The following CCDC136 variants were observed in gnomAD, a reference collection of about 807,000 sequenced individuals.
The protein encoded by CCDC136 is coiled-coil domain-containing protein 136.
CCDC136 carries 100 observed loss-of-function variants against 141.2 expected under a neutral mutation model. That is an observed-to-expected ratio of 0.71 (90% confidence interval 0.60 to 0.84). CCDC136 has a LOEUF of 0.84. CCDC136 is among the 40% of genes least tolerant of loss of function. The probability of loss-of-function intolerance (pLI) is 0.00; values close to 1 mark genes in which losing one functional copy is unlikely to be tolerated. For synonymous variants in CCDC136, 474 were observed against 531.9 expected (o/e 0.89, Z 1.50); for missense variants, 1,206 against 1,379.4 (o/e 0.87, Z 1.99).
chr7:128,806,027 A>G, intron 7 of CCDC136, 126 bp downstream of exon 7: 4 of 1,183,286 alleles, frequency 3.4e-6, no homozygotes, highest in Non-Finnish European at 4.8e-6. Context: ...AACTGGGCAC[A>G]GTCTGCTGGA....
intron 10 of CCDC136, chr7:128,809,238 T>A (rs1181847328): frequency 1.9e-6 from 1 of 514,976 alleles, no homozygotes; most frequent in Non-Finnish European, 3.5e-6. Context: ...GCCACCAGTC[T>A]AGAGCAACCT....
chr7:128,791,630 G>A (rs1455584151), upstream of CCDC136: 6 of 941,110 alleles, frequency 6.4e-6, no homozygotes, highest in Middle Eastern at 6.9e-4. The surrounding 1 kb of genome is among the most constrained non-coding windows in gnomAD (Gnocchi z 7.1). Context: ...ACCCCCAGGT[G>A]CTCCCGGCCT....
chr7:128,796,251 A>G (rs1489671488), intron 3 of CCDC136, among the ~76,000 whole-genome samples: 4 of 152,206 alleles, frequency 2.6e-5, no homozygotes, highest in Non-Finnish European at 5.9e-5. Flanking sequence ...AGAAGATGAC[A>G]TTTGAGCTAA....
chr7:128,806,926 G>T, intron 9 of CCDC136, 68 bp downstream of exon 9: 2 of 1,472,788 alleles, frequency 1.4e-6, no homozygotes, highest in South Asian at 2.8e-5. Flanking sequence ...AGAGCACAGA[G>T]GACGAGAGGG....
rs200189364 is a variant in CCDC136, at chr7:128,801,354, A to G, written c.515A>G (p.Gln172Arg). Residue 172 changes from glutamine to arginine, a missense_variant, in exon 4 of 18, where the codon CAG becomes CGG. By Grantham distance (43) the Gln-to-Arg change is conservative. Transcript: ENST00000297788. ...TEHESDIASLQEDLCRMQNEL... is the reference protein window; with the variant it reads ...TEHESDIASLREDLCRMQNEL... ...CATGAGAGTGACATAGCATCCCTGC[A>G]GGAGGATCTCTGCCGGATGCAGAAT... The G allele has an allele frequency of 1.1e-4, 179 of 1,613,664 alleles. 1 individual carries two copies. In the African/African-American group the frequency reaches 2.2e-3, roughly 19 times the overall value.
At chr7:128,795,464 C>T (rs1802802421) in intron 3 of CCDC136, among the ~76,000 whole-genome samples, 1 of 151,150 alleles carries the variant, frequency 6.6e-6, no homozygotes, top group Non-Finnish European at 1.5e-5. Context: ...TGAGATCAAG[C>T]CAAAAGAAAA....
At chr7:128,806,201 A>G in intron 7 of CCDC136, 36 bp from the exon 8 acceptor site, 1 of 1,500,786 alleles carries the variant, frequency 6.7e-7, no homozygotes, top group Non-Finnish European at 8.9e-7. Context: ...CTGTTTCTTG[A>G]GAGTAACTGT....
At position 128,815,748 on chromosome 7, in the gene CCDC136, T is replaced by C. The variant is rs1185411222; in HGVS notation, c.3180T>C (p.Asp1060=). The change falls in exon 16 of 18, where the codon GAT becomes GAC. Residue 1060 remains aspartate, a synonymous_variant. Coordinates refer to ENST00000297788, the MANE Select transcript of CCDC136 (RefSeq NM_022742.5). ...VKEEAKEQCG[D]ELVAEPADPE... ...AGGAAGCAAAGGAGCAGTGTGGGGA[T>C]GAGCTAGTTGCTGAGCCAGCAGATC... The C allele has an allele frequency of 1.9e-6, 3 of 1,563,860 alleles. No homozygotes were observed. The Admixed American group carries it at 5.8e-5, about 30-fold the overall frequency.
At position 128,801,472 on chromosome 7, in the gene CCDC136, C is replaced by T. The variant is rs746772962; in HGVS notation, c.633C>T (p.Ser211=). The change falls in exon 4 of 18, where the codon TCC becomes TCT. Residue 211 remains serine, a synonymous_variant. Coordinates refer to ENST00000297788, the MANE Select transcript of CCDC136 (RefSeq NM_022742.5). ...TGGAAATGAAGAGCTCTGAACCATC[C>T]GGTAGTTTAGGTCTCTCAGATTACT... ...AEMEMKSSEP[S]GSLGLSDYSG... The T allele has an allele frequency of 8.7e-6, 14 of 1,609,100 alleles. No individual in the cohort carries two copies. The highest frequency in any genetic ancestry group is 2.2e-5 in the East Asian group (1 of 44,762).
intron 3 of CCDC136, among the ~76,000 whole-genome samples, chr7:128,799,376 G>T (rs544693391): frequency 6.6e-6 from 1 of 151,796 alleles, no homozygotes; most frequent in Non-Finnish European, 1.5e-5. Context: ...AACCCCAAAT[G>T]TTTAGTTCTG....
In CCDC136 at chr7:128,801,160, A is replaced by G. The variant is rs1214534334; in HGVS notation, c.347-26A>G. On this transcript the variant is annotated intron_variant, in intron 3 of 17. Transcript: ENST00000297788. Reference sequence around the variant, plus strand: ...GTAGGTTAGTTCACCTGCCCTCTTGATCATCTCAACCTTTGGACTTTGCAG... The same window carrying G: ...GTAGGTTAGTTCACCTGCCCTCTTGGTCATCTCAACCTTTGGACTTTGCAG... 3 of 1,577,574 alleles carry G rather than the reference A, an allele frequency of 1.9e-6. No individual in the cohort carries two copies. The East Asian group carries it at 6.8e-5, about 36-fold the overall frequency.
At chr7:128,812,348 G>A (rs754007470) in intron 13 of CCDC136, 36 bp downstream of exon 13, 21 of 1,586,212 alleles carry the variant, frequency 1.3e-5, no homozygotes, top group East Asian at 2.3e-5. Flanking sequence ...GGCAGGGGAC[G>A]ATGGACTCTT....
intron 1 of CCDC136, among the ~76,000 whole-genome samples, chr7:128,793,416 A>G (rs1348988992): frequency 6.6e-6 from 1 of 152,218 alleles, no homozygotes; most frequent in Non-Finnish European, 1.5e-5. Flanking sequence ...GCAGCAGGGA[A>G]AAACAAGGTG....
At chr7:128,807,768 AAC>A (rs1805093657) in intron 10 of CCDC136, 2 of 344,736 alleles carry the variant, frequency 5.8e-6, no homozygotes, top group Admixed American at 4.8e-5. Flanking sequence ...TCCCAGTCTG[AAC>A]CCCTGAAAGT....
intron 12 of CCDC136, 100 bp from the exon 13 acceptor site, chr7:128,811,700 T>G: frequency 9.0e-7 from 1 of 1,113,476 alleles, no homozygotes; most frequent in Non-Finnish European, 1.3e-6. Flanking sequence ...AGGTGTGCCA[T>G]TCTCTAAGGT....
rs1315036917 is a variant in CCDC136 at position 128,810,143 on chromosome 7, A to G, written c.1805A>G (p.Gln602Arg). ...CTTCCTTCTACTCCGCCTCAGAGTC[A>G]GGAGCTACTCACCAAGTTAGAAGAC... ...LPKSGLLLKS[Q>R]ELLTKLEDLC... Residue 602 changes from glutamine to arginine, a missense_variant, in exon 12 of 18, where the codon CAG (glutamine) becomes CGG (arginine). Coordinates refer to ENST00000297788, the MANE Select transcript of CCDC136 (RefSeq NM_022742.5). 1.3e-6 allele frequency: 2 copies of G among 1,581,828 alleles called. No individual in the cohort carries two copies. The highest frequency in any genetic ancestry group is 1.3e-5 in the African/African-American group (1 of 74,158).
At chr7:128,803,868 G>GC (rs1804428237) in intron 4 of CCDC136, among the ~76,000 whole-genome samples, 2 of 149,002 alleles carry the variant, frequency 1.3e-5, no homozygotes, top group Non-Finnish European at 3.0e-5. Context: ...AGGCTGGAGT[G>GC]CAGTGGCACA....
chr7:128,800,450 C>T (rs999449260), intron 3 of CCDC136, among the ~76,000 whole-genome samples: 47 of 150,090 alleles, frequency 3.1e-4, no homozygotes, highest in Middle Eastern at 3.4e-3. Context: ...GCCACCACAC[C>T]TGGCTTTCTT....
At chr7:128,808,541 G>A (rs960799354) in intron 10 of CCDC136, 82 of 985,224 alleles carry the variant, frequency 8.3e-5, no homozygotes, top group Non-Finnish European at 9.3e-5. Context: ...ATGGGAAATG[G>A]AAAGGTGTTG....
Sources: allele counts gnomAD v4.1 joint callset (sites outside exome capture counted in the v4.1 genomes callset), GRCh38; gene constraint gnomAD v4.1.1; non-coding constraint Gnocchi (gnomAD v3.1); transcripts MANE v1.5; gene names NCBI Gene and HGNC (gene_info 2026-07-23, HGNC 2026-07-21).